PARD3: variants seen among roughly 807,000 people sequenced by gnomAD.
PARD3 encodes the protein partitioning defective 3 homolog.
Under a neutral mutation model 155.4 loss-of-function variants are expected in PARD3, and 75 were observed. The ratio of observed to expected loss-of-function variants is 0.48; its 90% confidence interval spans 0.40 to 0.58. The LOEUF (loss-of-function observed/expected upper bound fraction) is 0.58, where lower values mean the gene tolerates loss of function less well. Among genes scored for constraint, PARD3 ranks in the 20% least tolerant of loss-of-function variants. The pLI is 0.00. For synonymous variants in PARD3, 576 were observed against 610.5 expected (o/e 0.94, Z 0.83); for missense variants, 1,642 against 1,721.7 (o/e 0.95, Z 0.82).
intron 3 of PARD3, among the ~76,000 whole-genome samples, chr10:34,472,378 C>A (rs901090533): frequency 7.2e-5 from 11 of 152,124 alleles, no homozygotes; most frequent in Non-Finnish European, 1.0e-4. Flanking sequence ...CAAAAATACA[C>A]ATCTAAAAAT....
Position 34,542,202 on chromosome 10 carries a change from G to GGT in PARD3, c.223-25045_223-25044dup, listed in dbSNP as rs1186576618. On this transcript the variant is annotated intron_variant, in intron 2 of 24. Coordinates refer to ENST00000374788, the MANE Select transcript of PARD3 (RefSeq NM_001184785.2). ...CTTACAAAGCAGTAAGGTTGTTTGG[G>GGT]GTGTGTGTGTGTGTGTGTGTGTGTG... 1.4e-4 allele frequency among the ~76,000 whole-genome samples: 9 copies of GGT among 65,760 alleles called. No individual in the cohort carries two copies. The South Asian group carries it at 4.2e-3, about 31-fold the overall frequency. 43.1% of individuals were successfully genotyped at this position (65,760 alleles called of 152,430 possible). A position where few individuals can be genotyped will look rare whatever the true frequency, so the allele number is the denominator to read the frequency against.
chr10:34,809,956 A>G (rs2134417324), intron 1 of PARD3, among the ~76,000 whole-genome samples: 1 of 152,366 alleles, frequency 6.6e-6, no homozygotes, highest in East Asian at 1.9e-4. Flanking sequence ...ATGCAGTCAT[A>G]CATTTATTCA....
intron 1 of PARD3, among the ~76,000 whole-genome samples, chr10:34,728,548 C>A (rs975194634): frequency 6.6e-6 from 1 of 152,184 alleles, no homozygotes; most frequent in Non-Finnish European, 1.5e-5. Flanking sequence ...GTACTCTCCA[C>A]TTTAAACTGA....
intron 2 of PARD3, among the ~76,000 whole-genome samples, chr10:34,616,677 C>T (rs995362531): frequency 2.0e-5 from 3 of 152,102 alleles, no homozygotes; most frequent in African/African-American, 7.2e-5. Context: ...GTGGCTCATG[C>T]CTGTAATCCC....
chr10:34,569,339 A>G (rs749905347), intron 2 of PARD3, among the ~76,000 whole-genome samples: 7 of 152,196 alleles, frequency 4.6e-5, no homozygotes, highest in Admixed American at 2.0e-4. Context: ...ATTTTTAAAT[A>G]TTTTTAAATT....
At chr10:34,724,602 A>C (rs756809074) in intron 1 of PARD3, among the ~76,000 whole-genome samples, 6 of 152,244 alleles carry the variant, frequency 3.9e-5, no homozygotes, top group Non-Finnish European at 7.3e-5. Flanking sequence ...TACTATAGTG[A>C]ATATATATAA....
intron 20 of PARD3, among the ~76,000 whole-genome samples, chr10:34,301,631 C>A (rs1957149268): frequency 6.6e-6 from 1 of 152,044 alleles, no homozygotes; most frequent in African/African-American, 2.4e-5. Flanking sequence ...TCTACAGTGC[C>A]AGCCCTTCCC....
chr10:34,226,629 G>A (rs1952616147), intron 22 of PARD3, among the ~76,000 whole-genome samples: 1 of 152,234 alleles, frequency 6.6e-6, no homozygotes, highest in South Asian at 2.1e-4. Context: ...TGGTGGGAAT[G>A]TAAAATGATT....
At chr10:34,441,033 T>G (rs1246656462) in intron 5 of PARD3, among the ~76,000 whole-genome samples, 4 of 152,148 alleles carry the variant, frequency 2.6e-5, no homozygotes, top group African/African-American at 9.7e-5. Context: ...CAGAGATGAT[T>G]TTAAAAGGTT....
At chr10:34,295,640 T>C (rs1031401804) in intron 20 of PARD3, among the ~76,000 whole-genome samples, 7 of 152,230 alleles carry the variant, frequency 4.6e-5, no homozygotes, top group Admixed American at 2.6e-4. Context: ...GATATCATTA[T>C]GTTGCTTTTC....
intron 3 of PARD3, among the ~76,000 whole-genome samples, chr10:34,506,962 G>T (rs143134274): frequency 6.6e-6 from 1 of 152,164 alleles, no homozygotes; most frequent in African/African-American, 2.4e-5. Context: ...TGTCTTATCC[G>T]CCAAATTGCT....
chr10:34,583,616 C>T (rs1272357575), intron 2 of PARD3, among the ~76,000 whole-genome samples: 2 of 152,022 alleles, frequency 1.3e-5, no homozygotes, highest in Non-Finnish European at 2.9e-5. Context: ...ATCAATCTGC[C>T]TTTACACAGA....
chr10:34,191,146 G>A (rs574060294), intron 22 of PARD3, among the ~76,000 whole-genome samples: 2 of 152,082 alleles, frequency 1.3e-5, no homozygotes, highest in African/African-American at 4.8e-5. Context: ...GAGCAGCTAG[G>A]AGGCTACTGC....
At chr10:34,475,932 G>A (rs762826883) in intron 3 of PARD3, among the ~76,000 whole-genome samples, 14 of 151,900 alleles carry the variant, frequency 9.2e-5, no homozygotes, top group Non-Finnish European at 1.6e-4. Flanking sequence ...AAATGAAAAC[G>A]CTGTTCTATG....
intron 2 of PARD3, among the ~76,000 whole-genome samples, chr10:34,520,211 C>T (rs908373725): frequency 5.3e-5 from 8 of 152,086 alleles, no homozygotes; most frequent in Non-Finnish European, 1.2e-4. Flanking sequence ...CATTTATCAT[C>T]GACACAACAA....
At chr10:34,473,853 A>G (rs2078522571) in intron 3 of PARD3, among the ~76,000 whole-genome samples, 1 of 152,220 alleles carries the variant, frequency 6.6e-6, no homozygotes, top group South Asian at 2.1e-4. Flanking sequence ...TATGATTGCA[A>G]AACTGCCCTG....
At chr10:34,659,932 G>T (rs1005718652) in intron 2 of PARD3, among the ~76,000 whole-genome samples, 1 of 152,044 alleles carries the variant, frequency 6.6e-6, no homozygotes, top group Non-Finnish European at 1.5e-5. Flanking sequence ...CCATTCAAAG[G>T]TTATTTACAT....
intron 1 of PARD3, among the ~76,000 whole-genome samples, chr10:34,761,104 T>C (rs1026463457): frequency 8.5e-5 from 13 of 152,146 alleles, no homozygotes; most frequent in Admixed American, 6.6e-4. Context: ...TATATTCAAG[T>C]ACCTAGCCTT....
chr10:34,770,298 A>G (rs1838697014), intron 1 of PARD3, among the ~76,000 whole-genome samples: 1 of 152,352 alleles, frequency 6.6e-6, no homozygotes, highest in East Asian at 1.9e-4. Flanking sequence ...TTTGAACTGC[A>G]AAAGCACTTC....
Sources: gnomAD v4.1 joint callset for allele counts (sites outside exome capture counted in the v4.1 genomes callset) on GRCh38, gnomAD v4.1.1 for gene constraint, MANE v1.5 for transcripts, NCBI Gene and HGNC (gene_info 2026-07-23, HGNC 2026-07-21) for gene names.